The following EVI2B variants were observed in gnomAD, a reference collection of about 807,000 sequenced individuals.
EVI2B encodes the protein ecotropic viral integration site 2B.
A neutral mutation model predicts 6.6 loss-of-function variants in EVI2B; 4 were observed. The ratio of observed to expected loss-of-function variants is 0.61; its 90% CI spans 0.30 to 1.39. The LOEUF is 1.39. Among genes scored for constraint, EVI2B ranks in the 40% most tolerant of loss-of-function variants. The pLI, the probability that EVI2B is intolerant of heterozygous loss-of-function variation, is 0.08. For synonymous variants in EVI2B, 181 were observed against 186.8 expected (o/e 0.97, Z 0.25); for missense variants, 484 against 516.6 (o/e 0.94, Z 0.61).
At position 31,305,016 on chromosome 17, in the gene EVI2B, G is replaced by GT. The variant is rs765136869; in HGVS notation, c.593dup (p.Asn198LysfsTer4). The GT allele has an allele frequency of 3.7e-6, 6 of 1,614,038 alleles. No homozygotes were observed. The highest frequency in any genetic ancestry group is 1.7e-5 in the Admixed American group (1 of 60,006). ...GTATGGCAGCTATTGAATTATAATT[G>GT]TTTTTTTGTGGGGTTTGTTTGTTAC... is the stretch of plus-strand genomic sequence containing the variant. On this transcript the variant is annotated frameshift_variant, in exon 2 of 2. Coordinates refer to ENST00000330927, the MANE Select transcript of EVI2B (RefSeq NM_006495.4). LOFTEE classifies it high-confidence loss of function.
Position 31,305,026 on chromosome 17 carries a change from G to A in EVI2B, c.584C>T (p.Pro195Leu), listed in dbSNP as rs1160160922. The A allele has an allele frequency of 1.2e-6, 2 of 1,613,916 alleles. No individual in the cohort carries two copies. Among genetic ancestry groups the A allele is most frequent in the Non-Finnish European group, 1.7e-6 (2 of 1,179,996 alleles). The change falls in exon 2 of 2, where the codon CCA becomes CTA. Residue 195 changes from proline to leucine, a missense_variant. By Grantham distance (98) the Pro-to-Leu change is moderately conservative. Transcript: ENST00000330927. The part of the protein sequence containing the change: ...ILDTTSNKQT[P>L]QKNNYNSIAA... The stretch of plus-strand genomic sequence containing the variant: ...TATTGAATTATAATTGTTTTTTTGT[G>A]GGGTTTGTTTGTTACTGGTAGTATC...
chr17:31,304,158 T>C lies in EVI2B; in HGVS notation c.*105A>G, dbSNP rs2068642827. ...GAGCAGATTTCAGATAGTTCCTGAA[T>C]AAAAATCAAAATTGACTATCAGTTG... On this transcript the variant is annotated 3_prime_UTR_variant, in exon 2 of 2. Transcript: ENST00000330927. 5.0e-6 allele frequency: 6 copies of C among 1,198,662 alleles called. No homozygotes were observed. Among genetic ancestry groups the C allele is most frequent in the Non-Finnish European group, 7.0e-6 (6 of 860,438 alleles). The allele number at this position is 1,198,662 out of a possible 1,614,324, so 74.3% of individuals were successfully genotyped here.
intron 1 of EVI2B, among the ~76,000 whole-genome samples, chr17:31,311,912 A>G (rs1051101430): frequency 2.0e-5 from 3 of 152,208 alleles, no homozygotes; most frequent in African/African-American, 7.2e-5. Flanking sequence ...CGTAAATAAC[A>G]CTTGTAGGTA....
At chr17:31,311,358 A>G (rs926150226) in intron 1 of EVI2B, among the ~76,000 whole-genome samples, 1 of 152,220 alleles carries the variant, frequency 6.6e-6, no homozygotes, top group Admixed American at 6.5e-5. Context: ...TTATCTTTTA[A>G]AGAGAATCAA....
intron 1 of EVI2B, among the ~76,000 whole-genome samples, chr17:31,309,349 G>A (rs1014175065): frequency 6.6e-6 from 1 of 152,164 alleles, no homozygotes; most frequent in Admixed American, 6.5e-5. Flanking sequence ...ATAAGCAGAG[G>A]CAGTGAAATC....
chr17:31,307,085 C>T (rs2151512251), intron 1 of EVI2B, among the ~76,000 whole-genome samples: 1 of 151,948 alleles, frequency 6.6e-6, no homozygotes, highest in South Asian at 2.1e-4. Flanking sequence ...TGTAGTGGCA[C>T]AATCTGGGCT....
chr17:31,304,186 A>G lies in EVI2B; in HGVS notation c.*77T>C. ...AAATCAAAATTGACTATCAGTTGCC[A>G]TTTTATATATGTTAACATATAAAGA... On this transcript the variant is annotated 3_prime_UTR_variant, in exon 2 of 2. Transcript: ENST00000330927. 2 of 1,397,616 alleles carry G rather than the reference A, an allele frequency of 1.4e-6. No homozygotes were observed. The highest frequency in any genetic ancestry group is 2.9e-5 in the South Asian group (2 of 68,770). 86.6% of individuals were successfully genotyped at this position (1,397,616 alleles called of 1,614,324 possible).
chr17:31,305,616 A>G lies in EVI2B; in HGVS notation c.-7T>C. The stretch of plus-strand genomic sequence containing the variant: ...TGAAATATTTGGGATCCATTTCAGA[A>G]TATTTCCTCGTTATCTATAGCGGGT... On this transcript the variant is annotated 5_prime_UTR_variant, in exon 2 of 2. Transcript: ENST00000330927. The G allele has an allele frequency of 6.2e-7, 1 of 1,608,374 alleles. No homozygotes were observed. Among genetic ancestry groups the G allele is most frequent in the Non-Finnish European group, 8.5e-7 (1 of 1,176,708 alleles).
Position 31,304,976 on chromosome 17 carries a change from G to A in EVI2B, c.634C>T (p.Leu212=). The part of the protein sequence containing the change: ...SIAAILIGVL[L]TSMLVAIIII... Reference sequence around the variant, plus strand: ...ATTATAGCTACCAACATAGAAGTCAGAAGTACACCAATTAGTATGGCAGCT... The same window carrying A: ...ATTATAGCTACCAACATAGAAGTCAAAAGTACACCAATTAGTATGGCAGCT... Residue 212 remains leucine, a synonymous_variant, in exon 2 of 2, where the codon CTG becomes TTG. Coordinates refer to ENST00000330927, the MANE Select transcript of EVI2B (RefSeq NM_006495.4). 6.2e-7 allele frequency: 1 copy of A among 1,614,184 alleles called. No homozygotes were observed. The highest frequency in any genetic ancestry group is 8.5e-7 in the Non-Finnish European group (1 of 1,180,036).
intron 1 of EVI2B, chr17:31,307,905 C>T: frequency 7.8e-7 from 1 of 1,289,194 alleles, no homozygotes; most frequent in South Asian, 1.2e-5. Flanking sequence ...CATATCTAAA[C>T]AGCATATCAT....
In EVI2B at chr17:31,305,259, G is replaced by C; in HGVS notation, c.351C>G (p.Ser117=). 1 of 1,614,180 alleles carries C rather than the reference G, an allele frequency of 6.2e-7. No homozygotes were observed. Among genetic ancestry groups the C allele is most frequent in the Non-Finnish European group, 8.5e-7 (1 of 1,180,036 alleles). Residue 117 remains serine, a synonymous_variant, in exon 2 of 2, where the codon TCC becomes TCG. Transcript: ENST00000330927. ...TGGCAGAGGTGAACACGGCTTGCTG[G>C]GAGGAGGTGTTGGCTATTGGTGTTG... ...KQPTPIANTS[S]QQAVFTSARQ... is the part of the protein sequence containing the mutation.
In EVI2B at chr17:31,305,275, A is replaced by C; in HGVS notation, c.335T>G (p.Ile112Arg). 2 of 1,614,074 alleles carry C rather than the reference A, an allele frequency of 1.2e-6. No homozygotes were observed. Among genetic ancestry groups the C allele is most frequent in the Non-Finnish European group, 1.7e-6 (2 of 1,180,010 alleles). ...GGCTTGCTGGGAGGAGGTGTTGGCTATTGGTGTTGGTTGTTTGGTGTTGTA... is the reference window on the plus strand; with the variant it reads ...GGCTTGCTGGGAGGAGGTGTTGGCTCTTGGTGTTGGTTGTTTGGTGTTGTA... ...LAYNTKQPTP[I>R]ANTSSQQAVF... is the part of the protein sequence containing the mutation. Residue 112 changes from isoleucine to arginine, a missense_variant, in exon 2 of 2, where the codon ATA becomes AGA. Transcript: ENST00000330927.
intron 1 of EVI2B, among the ~76,000 whole-genome samples, chr17:31,310,169 C>T (rs537102400): frequency 6.6e-6 from 1 of 152,020 alleles, no homozygotes; most frequent in Non-Finnish European, 1.5e-5. Context: ...AACATTGTTT[C>T]TGTAGGTAAA....
In EVI2B at chr17:31,305,016, G is replaced by T. The variant is rs2068673640; in HGVS notation, c.594C>A (p.Asn198Lys). Residue 198 changes from asparagine (N) to lysine (K), a missense_variant, in exon 2 of 2, where the codon AAC becomes AAA. Asn to Lys is a moderately conservative substitution (Grantham distance 94). Transcript: ENST00000330927. ...TTSNKQTPQK[N>K]NYNSIAAILI... ...GTATGGCAGCTATTGAATTATAATT[G>T]TTTTTTTGTGGGGTTTGTTTGTTAC... 6.2e-7 allele frequency: 1 copy of T among 1,613,920 alleles called. No homozygotes were observed. The highest frequency in any genetic ancestry group is 8.5e-7 in the Non-Finnish European group (1 of 1,179,994).
rs1173522768 is a variant in EVI2B, at chr17:31,304,329, A to G, written c.1281T>C (p.Ser427=). 1 of 1,614,126 alleles carries G rather than the reference A, an allele frequency of 6.2e-7. No individual in the cohort carries two copies. The highest frequency in any genetic ancestry group is 1.1e-5 in the South Asian group (1 of 91,082). The stretch of plus-strand genomic sequence containing the variant: ...GATCTTGATCAGAGTTGGGAGGAAT[A>G]GAGAACTCCTGACACTGGATCTCAA... ...SNLEIQCQEF[S]IPPNSDQDLN... Residue 427 remains serine (S), a synonymous_variant, in exon 2 of 2, where the codon TCT becomes TCC. Coordinates refer to ENST00000330927, the MANE Select transcript of EVI2B (RefSeq NM_006495.4).
At chr17:31,308,262 C>T (rs1299785664) in intron 1 of EVI2B, among the ~76,000 whole-genome samples, 8 of 151,928 alleles carry the variant, frequency 5.3e-5, no homozygotes, top group Non-Finnish European at 1.0e-4. Flanking sequence ...CTCATCCTCC[C>T]GAGTAGCTGG....
At chr17:31,308,279 A>G (rs1228948331) in intron 1 of EVI2B, among the ~76,000 whole-genome samples, 4 of 151,918 alleles carry the variant, frequency 2.6e-5, no homozygotes, top group Non-Finnish European at 1.5e-5. Flanking sequence ...CTGGGACTAC[A>G]GTAGGCATAC....
chr17:31,310,194 A>G (rs774546785), intron 1 of EVI2B, among the ~76,000 whole-genome samples: 7 of 152,176 alleles, frequency 4.6e-5, no homozygotes, highest in Non-Finnish European at 1.0e-4. Context: ...AATATTGGGC[A>G]GGGGAATAAA....
Position 31,305,293 on chromosome 17 carries a change from G to T in EVI2B, c.317C>A (p.Thr106Asn). 1.9e-6 allele frequency: 3 copies of T among 1,614,162 alleles called. No individual in the cohort carries two copies. The highest frequency in any genetic ancestry group is 1.1e-5 in the South Asian group (1 of 91,078). ...TSAGQPLAYN[T>N]KQPTPIANTS... Reference sequence around the variant, plus strand: ...GTTGGCTATTGGTGTTGGTTGTTTGGTGTTGTAGGCAAGTGGTTGTCCAGC... The same window carrying T: ...GTTGGCTATTGGTGTTGGTTGTTTGTTGTTGTAGGCAAGTGGTTGTCCAGC... The change falls in exon 2 of 2, where the codon ACC (threonine) becomes AAC (asparagine). Residue 106 changes from threonine to asparagine, a missense_variant. Physicochemically the swap from Thr to Asn is moderately conservative, Grantham distance 65 (BLOSUM62 0). Coordinates refer to ENST00000330927, the MANE Select transcript of EVI2B (RefSeq NM_006495.4).
Sources: gnomAD v4.1 joint callset for allele counts (sites outside exome capture counted in the v4.1 genomes callset) on GRCh38, gnomAD v4.1.1 for gene constraint, MANE v1.5 for transcripts, NCBI Gene and HGNC (gene_info 2026-07-23, HGNC 2026-07-21) for gene names.